Variants in USP48 observed in about 807,000 individuals in gnomAD.
USP48 encodes ubiquitin carboxyl-terminal hydrolase 48.
USP48 carries 43 observed loss-of-function variants against 150.7 expected under a neutral mutation model. The ratio of observed to expected loss-of-function variants is 0.29; its 90% CI spans 0.22 to 0.37. USP48 has a LOEUF of 0.37. Ranked by LOEUF, USP48 falls within the 10% of genes least tolerant of loss-of-function variation. The pLI, the probability that USP48 is intolerant of heterozygous loss-of-function variation, is 1.00. For missense variants in USP48, 813 were observed against 1,249.6 expected (o/e 0.65, Z 5.27); for synonymous variants, 396 against 425.9 (o/e 0.93, Z 0.86).
At chr1:21,756,519 A>G in intron 3 of USP48, 27 bp downstream of exon 3, 1 of 1,536,520 alleles carries the variant, frequency 6.5e-7, no homozygotes, top group Non-Finnish European at 8.7e-7. Context: ...TCAGGAAGAG[A>G]GCTCTCCCCC....
At chr1:21,751,685 C>A in intron 5 of USP48, 70 bp from the exon 6 acceptor site, 2 of 1,154,436 alleles carry the variant, frequency 1.7e-6, no homozygotes, top group South Asian at 2.6e-5. Context: ...TGTATTACAT[C>A]CTAGAAAGAT....
At chr1:21,721,942 C>T (rs937474012) in intron 12 of USP48, among the ~76,000 whole-genome samples, 178 bp from the exon 13 acceptor site, 4 of 151,972 alleles carry the variant, frequency 2.6e-5, no homozygotes, top group Admixed American at 6.6e-5. Context: ...GAAACCAAGA[C>T]GGCAATACTG....
rs1328360891 is a variant in USP48 at position 21,679,304 on chromosome 1, G to C, written c.*113C>G. On this transcript the variant is annotated 3_prime_UTR_variant, in exon 27 of 27. Coordinates refer to ENST00000308271, the MANE Select transcript of USP48 (RefSeq NM_032236.8). ...ACGTTTGAATGGATTTCTGCCTTTT[G>C]GAAGGGGCATGTAATGGTTTAATTC... The C allele has an allele frequency of 3.7e-6, 5 of 1,340,740 alleles. No homozygotes were observed. The East Asian group carries it at 1.2e-4, about 32-fold the overall frequency. The allele number at this position is 1,340,740 out of a possible 1,614,324, so 83.1% of individuals were successfully genotyped here.
At chr1:21,684,212 G>A (rs998354019) in intron 25 of USP48, among the ~76,000 whole-genome samples, 3 of 152,146 alleles carry the variant, frequency 2.0e-5, no homozygotes, top group African/African-American at 7.2e-5. Context: ...CTTCCATACT[G>A]TTTTCCATAA....
chr1:21,758,053 C>A (rs1314669921), intron 1 of USP48, among the ~76,000 whole-genome samples: 1 of 152,116 alleles, frequency 6.6e-6, no homozygotes, highest in East Asian at 1.9e-4. Context: ...ATACCTCCAA[C>A]AATGCAAAAT....
At chr1:21,718,092 C>A (rs1238521395) in intron 14 of USP48, among the ~76,000 whole-genome samples, 1 of 152,142 alleles carries the variant, frequency 6.6e-6, no homozygotes, top group African/African-American at 2.4e-5. Context: ...ATTCTCTGAT[C>A]CAGCAATTTC....
chr1:21,737,151 G>A (rs1370049720), intron 8 of USP48, among the ~76,000 whole-genome samples: 3 of 152,140 alleles, frequency 2.0e-5, no homozygotes, highest in Non-Finnish European at 4.4e-5. Flanking sequence ...CACAAACTTT[G>A]ATCTGGAGAT....
chr1:21,690,148 A>T (rs2097593319), intron 23 of USP48, 49 bp from the exon 24 acceptor site: 1 of 1,506,270 alleles, frequency 6.6e-7, no homozygotes, highest in African/African-American at 1.4e-5. Flanking sequence ...AAATACTAAG[A>T]CTTATACCCT....
At position 21,719,725 on chromosome 1, in the gene USP48, G is replaced by A. The variant is rs375511980; in HGVS notation, c.1894+1311C>T. 9.9e-5 allele frequency among the ~76,000 whole-genome samples: 15 copies of A among 152,134 alleles called. No homozygotes were observed. In the East Asian group the frequency reaches 1.9e-3, roughly 20 times the overall value. On this transcript the variant is annotated intron_variant, in intron 14 of 26. Transcript: ENST00000308271. ...TCTTCTAAACATACAAAATTAGCTG[G>A]GCGTGGTGGTGTGCACCTGTAATCC...
rs776507685 is a variant in USP48 at position 21,695,125 on chromosome 1, G to C, written c.2824C>G (p.Arg942Gly). The C allele has an allele frequency of 6.2e-7, 1 of 1,613,458 alleles. No individual in the cohort carries two copies. Among genetic ancestry groups the C allele is most frequent in the South Asian group, 1.1e-5 (1 of 90,902 alleles). ...GAAACGAGAAGTGCTTTCTCACCACGAACTTTTCTATGTCGCATACTTCGG... is the reference window on the plus strand; with the variant it reads ...GAAACGAGAAGTGCTTTCTCACCACCAACTTTTCTATGTCGCATACTTCGG... ...IRRSMRHRKV[R>G]GEKALLVSAN... The change falls in exon 23 of 27, where the codon CGT (arginine) becomes GGT (glycine). Residue 942 changes from arginine to glycine, a missense_variant. By Grantham distance (125) the Arg-to-Gly change is moderately radical (BLOSUM62 -2). Coordinates refer to ENST00000308271, the MANE Select transcript of USP48 (RefSeq NM_032236.8).
chr1:21,756,523 C>T, intron 3 of USP48, 23 bp downstream of exon 3: 1 of 1,541,676 alleles, frequency 6.5e-7, no homozygotes, highest in South Asian at 1.2e-5. Flanking sequence ...GAAGAGAGCT[C>T]TCCCCCACCC....
At chr1:21,780,176 A>G (rs577397441) in intron 1 of USP48, among the ~76,000 whole-genome samples, 1 of 152,366 alleles carries the variant, frequency 6.6e-6, no homozygotes, top group East Asian at 1.9e-4. Context: ...CAACTGATGA[A>G]TAGATATATA....
intron 22 of USP48, among the ~76,000 whole-genome samples, chr1:21,700,188 G>A (rs555150207): frequency 9.1e-4 from 139 of 152,064 alleles, no homozygotes; most frequent in African/African-American, 3.3e-3. Context: ...TTCTCATCAA[G>A]TGTACAGATT....
At chr1:21,713,974 C>T (rs1377437921) in intron 15 of USP48, among the ~76,000 whole-genome samples, 7 of 152,120 alleles carry the variant, frequency 4.6e-5, no homozygotes, top group Non-Finnish European at 8.8e-5. Flanking sequence ...CCACTCACTT[C>T]GCAAGCTAAA....
chr1:21,757,470 G>A, intron 2 of USP48, 193 bp downstream of exon 2: 1 of 454,096 alleles, frequency 2.2e-6, no homozygotes, highest in Non-Finnish European at 3.8e-6. Flanking sequence ...GAATTACGCA[G>A]CTGCCTGTTT....
intron 17 of USP48, 125 bp from the exon 18 acceptor site, chr1:21,706,312 C>T: frequency 2.0e-6 from 3 of 1,488,636 alleles, no homozygotes; most frequent in South Asian, 2.5e-5. Flanking sequence ...CAGTCCTCTA[C>T]CAAAAAATAG....
rs781239293 is a variant in USP48 at position 21,724,089 on chromosome 1, T to C, written c.1457A>G (p.Tyr486Cys). The change falls in exon 12 of 27, where the codon TAT becomes TGT. Residue 486 changes from tyrosine (Y) to cysteine (C), a missense_variant. Coordinates refer to ENST00000308271, the MANE Select transcript of USP48 (RefSeq NM_032236.8). The stretch of plus-strand genomic sequence containing the variant: ...CAGCCATTCCAGAGAGACAAACTCA[T>C]AGGGCTCTGAGAAAGCAAGCATCGG... ...YQRLPAGAEP[Y>C]EFVSLEWLQK... is the part of the protein sequence containing the mutation. The C allele has an allele frequency of 6.2e-7, 1 of 1,614,124 alleles. No homozygotes were observed. Among genetic ancestry groups the C allele is most frequent in the Non-Finnish European group, 8.5e-7 (1 of 1,179,978 alleles).
chr1:21,764,052 G>A (rs2097856174), intron 1 of USP48, among the ~76,000 whole-genome samples: 1 of 152,086 alleles, frequency 6.6e-6, no homozygotes, highest in Non-Finnish European at 1.5e-5. Context: ...ATCATCATGT[G>A]TGTGCCAATT....
rs190033089 is a variant in USP48, at chr1:21,718,841, T to C, written c.1894+2195A>G. On this transcript the variant is annotated intron_variant, in intron 14 of 26. Transcript: ENST00000308271. Reference sequence around the variant, plus strand: ...AAATTAAAGAGGTTTTAAAAAGCAGTAAATAAATATTTAACACTAAGTCAC... The same window carrying C: ...AAATTAAAGAGGTTTTAAAAAGCAGCAAATAAATATTTAACACTAAGTCAC... 4.3e-4 allele frequency among the ~76,000 whole-genome samples: 65 copies of C among 152,012 alleles called. 2 individuals carry two copies. The East Asian group carries it at 9.9e-3, about 23-fold the overall frequency.
Sources: gnomAD v4.1 joint callset for allele counts (sites outside exome capture counted in the v4.1 genomes callset) on GRCh38, gnomAD v4.1.1 for gene constraint, MANE v1.5 for transcripts, NCBI Gene and HGNC (gene_info 2026-07-23, HGNC 2026-07-21) for gene names.